SLC20A2: variants seen among roughly 807,000 people sequenced by gnomAD.
The protein encoded by SLC20A2 is solute carrier family 20 member 2, also known as sodium-dependent phosphate transporter 2.
A neutral mutation model predicts 61.0 loss-of-function variants in SLC20A2; 30 were observed. The ratio of observed to expected loss-of-function variants is 0.49; its 90% CI spans 0.37 to 0.67. The LOEUF (loss-of-function observed/expected upper bound fraction) is 0.67, where lower values mean the gene tolerates loss of function less well. Among genes scored for constraint, SLC20A2 ranks in the 30% least tolerant of loss-of-function variants. The probability of loss-of-function intolerance (pLI) is 0.00; values close to 1 mark genes in which losing one functional copy is unlikely to be tolerated. For missense variants in SLC20A2, 626 were observed against 866.4 expected (o/e 0.72, Z 3.48); for synonymous variants, 351 against 353.3 (o/e 0.99, Z 0.07).
chr8:42,482,842 A>G (rs1808656189), intron 1 of SLC20A2, among the ~76,000 whole-genome samples: 1 of 151,988 alleles, frequency 6.6e-6, no homozygotes, highest in Non-Finnish European at 1.5e-5. Flanking sequence ...CCTGGCCAAC[A>G]TGGTGAAAAT....
intron 5 of SLC20A2, among the ~76,000 whole-genome samples, chr8:42,445,463 C>T (rs948261041): frequency 1.3e-5 from 2 of 151,960 alleles, no homozygotes; most frequent in Non-Finnish European, 2.9e-5. Context: ...TGATGGCTCC[C>T]GCCTATAATC....
Position 42,460,013 on chromosome 8 carries a change from A to C in SLC20A2, c.517-21T>G, listed in dbSNP as rs376542355. On this transcript the variant is annotated intron_variant, in intron 4 of 10. Coordinates refer to ENST00000520262, the MANE Select transcript of SLC20A2 (RefSeq NM_001257180.2). ...TCTTCCTGTAGGAAGACAAGGAGAC[A>C]GAGTGGAAGGTCAGGATCCCAGCAG... is the stretch of plus-strand genomic sequence containing the variant. 10 of 1,387,782 alleles carry C rather than the reference A, an allele frequency of 7.2e-6. No individual in the cohort carries two copies. The East Asian group carries it at 2.1e-4, about 29-fold the overall frequency. 86.0% of individuals were successfully genotyped at this position (1,387,782 alleles called of 1,614,324 possible).
At chr8:42,449,218 T>G (rs923657038) in intron 5 of SLC20A2, among the ~76,000 whole-genome samples, 1 of 152,096 alleles carries the variant, frequency 6.6e-6, no homozygotes, top group African/African-American at 2.4e-5. Context: ...GGGCACAGCC[T>G]CAGTGGCTCG....
chr8:42,426,757 CTGCCTT>C (rs1394560490), intron 10 of SLC20A2, among the ~76,000 whole-genome samples: 3 of 152,184 alleles, frequency 2.0e-5, no homozygotes, highest in Non-Finnish European at 4.4e-5. Flanking sequence ...GTAGAAGAGT[CTGCCTT>C]CAGCAGTCTT....
At chr8:42,496,029 C>A (rs373432796) in intron 1 of SLC20A2, among the ~76,000 whole-genome samples, 2 of 152,202 alleles carry the variant, frequency 1.3e-5, no homozygotes, top group African/African-American at 4.8e-5. Flanking sequence ...GGAATACAGG[C>A]GTGAGCCACC....
At chr8:42,467,470 T>G (rs1001661240) in intron 2 of SLC20A2, among the ~76,000 whole-genome samples, 1 of 152,220 alleles carries the variant, frequency 6.6e-6, no homozygotes, top group Non-Finnish European at 1.5e-5. Flanking sequence ...GCCTGGCTGA[T>G]AAGCTGGGCA....
At chr8:42,500,747 T>C (rs1810264810) in intron 1 of SLC20A2, among the ~76,000 whole-genome samples, 1 of 152,206 alleles carries the variant, frequency 6.6e-6, no homozygotes, top group African/African-American at 2.4e-5. Context: ...AGAAACCATA[T>C]CCATTAATCA....
In SLC20A2 at chr8:42,520,305, C is replaced by T. The variant is rs192774447; in HGVS notation, c.-265+21516G>A. On this transcript the variant is annotated intron_variant, in intron 1 of 10. Coordinates refer to the SLC20A2 transcript ENST00000342228. ...CTGGGATTACAGGCATGAGCCACCGCGCCCAGCCTCTTTATGCCCATCTTT... is the reference window on the plus strand; with the variant it reads ...CTGGGATTACAGGCATGAGCCACCGTGCCCAGCCTCTTTATGCCCATCTTT... Among the ~76,000 whole-genome samples, 120 of 151,680 alleles carry T rather than the reference C, an allele frequency of 7.9e-4. 1 individual carries two copies. The highest frequency in any genetic ancestry group is 2.6e-3 in the African/African-American group (108 of 41,376).
intron 1 of SLC20A2, among the ~76,000 whole-genome samples, chr8:42,514,450 C>T (rs559923725): frequency 3.3e-5 from 5 of 152,038 alleles, no homozygotes; most frequent in Non-Finnish European, 7.4e-5. Flanking sequence ...TGAATGCCAA[C>T]GATAAAAGCT....
intron 8 of SLC20A2, among the ~76,000 whole-genome samples, chr8:42,435,219 C>T (rs573251049): frequency 1.3e-5 from 2 of 152,252 alleles, no homozygotes; most frequent in African/African-American, 4.8e-5. Context: ...ACATAAGATG[C>T]CCAGGTTCAT....
At chr8:42,485,670 A>C (rs1452499323) in intron 1 of SLC20A2, among the ~76,000 whole-genome samples, 1 of 138,234 alleles carries the variant, frequency 7.2e-6, no homozygotes, top group Non-Finnish European at 1.6e-5. Flanking sequence ...AAAAAAGGCC[A>C]GATGCGGTGG....
chr8:42,457,993 A>C (rs1806348692), intron 5 of SLC20A2, among the ~76,000 whole-genome samples: 2 of 152,212 alleles, frequency 1.3e-5, no homozygotes, highest in Non-Finnish European at 2.9e-5. Context: ...ATTTTGGAAG[A>C]GGGCGCTTTT....
intron 1 of SLC20A2, chr8:42,537,757 T>C (rs1025844490): frequency 6.6e-6 from 1 of 152,162 alleles, no homozygotes; most frequent in Non-Finnish European, 1.5e-5. Flanking sequence ...ATATAGAAAA[T>C]CCAGCATTCC....
intron 6 of SLC20A2, among the ~76,000 whole-genome samples, chr8:42,440,420 C>T (rs1382899621): frequency 1.3e-5 from 2 of 152,146 alleles, no homozygotes; most frequent in Non-Finnish European, 2.9e-5. Context: ...TTTTTCTACT[C>T]AGCATAATGC....
At chr8:42,540,865 T>G (rs1161904269) in intron 1 of SLC20A2, 1 of 152,260 alleles carries the variant, frequency 6.6e-6, no homozygotes, top group African/African-American at 2.4e-5. Flanking sequence ...TGGGAAACAC[T>G]TCTGTCAAGT....
chr8:42,448,157 G>A (rs760649377), intron 5 of SLC20A2, among the ~76,000 whole-genome samples: 19 of 152,182 alleles, frequency 1.2e-4, no homozygotes, highest in South Asian at 2.1e-4. Flanking sequence ...CCGATCCCAC[G>A]CATGGCTTCA....
intron 1 of SLC20A2, among the ~76,000 whole-genome samples, chr8:42,479,500 T>TA (rs369424384): frequency 6.9e-4 from 100 of 144,446 alleles, no homozygotes; most frequent in South Asian, 1.8e-3. Context: ...ACACAGTTCT[T>TA]AAAAAAAAAA....
At chr8:42,429,930 G>T in intron 9 of SLC20A2, 134 bp downstream of exon 9, 1 of 667,592 alleles carries the variant, frequency 1.5e-6, no homozygotes. Context: ...GGCCATTCTT[G>T]CCCACTGTCT....
intron 8 of SLC20A2, among the ~76,000 whole-genome samples, chr8:42,436,364 C>G (rs926528590): frequency 1.3e-5 from 2 of 152,144 alleles, no homozygotes; most frequent in South Asian, 2.1e-4. Context: ...CTCCGTCATC[C>G]CTAACAGACA....
Sources: allele counts gnomAD v4.1 joint callset (sites outside exome capture counted in the v4.1 genomes callset), GRCh38; gene constraint gnomAD v4.1.1; transcripts MANE v1.5; gene names NCBI Gene and HGNC (gene_info 2026-07-23, HGNC 2026-07-21).